LCOR: variants seen among roughly 807,000 people sequenced by gnomAD.
LCOR encodes the protein ligand-dependent corepressor.
LCOR carries 14 observed loss-of-function variants against 64.4 expected under a neutral mutation model. The observed-to-expected ratio is 0.22, with a 90% CI of 0.14 to 0.34. LCOR has a LOEUF of 0.34. Among genes scored for constraint, LCOR ranks in the 10% least tolerant of loss-of-function variants. The pLI is 1.00. For missense variants in LCOR, 1,686 were observed against 1,765.3 expected (o/e 0.96, Z 0.80); for synonymous variants, 643 against 642.5 (o/e 1.00, Z -0.01).
At chr10:96,865,682 C>T (rs1233505232) in intron 2 of LCOR, among the ~76,000 whole-genome samples, 1 of 152,016 alleles carries the variant, frequency 6.6e-6, no homozygotes, top group Non-Finnish European at 1.5e-5. Flanking sequence ...CGAGACCAGC[C>T]TGGCCAACAT....
At chr10:96,877,278 C>T (rs1846183451) in intron 2 of LCOR, among the ~76,000 whole-genome samples, 1 of 152,120 alleles carries the variant, frequency 6.6e-6, no homozygotes, top group Non-Finnish European at 1.5e-5. Flanking sequence ...AATTCAAGCA[C>T]TTTGGGAGGC....
Position 96,981,865 on chromosome 10 carries a change from C to T in LCOR, c.1405C>T (p.Gln469Ter). ...SGLRINDYDN[Q>*]CDVVYISQPI... ...GCTGAGGATAAATGATTATGATAAC[C>T]AGTGTGATGTTGTTTATATCAGTCA... The change falls in exon 8 of 8, where the codon CAG (glutamine) becomes TAG (stop). Residue 469 changes from glutamine to a stop codon, truncating the protein, a stop_gained. Coordinates refer to ENST00000421806, the MANE Select transcript of LCOR (RefSeq NM_001346516.2). LOFTEE classifies it low-confidence loss of function (END_TRUNC). 6.2e-7 allele frequency: 1 copy of T among 1,614,188 alleles called. No individual in the cohort carries two copies. Among genetic ancestry groups the T allele is most frequent in the Non-Finnish European group, 8.5e-7 (1 of 1,180,034 alleles).
rs1848151131 is a variant in LCOR at position 96,986,515 on chromosome 10, A to G, written c.*1381A>G. 1 of 152,198 alleles carries G rather than the reference A, an allele frequency of 6.6e-6. No homozygotes were observed. The highest frequency in any genetic ancestry group is 6.5e-5 in the Admixed American group (1 of 15,290). The allele number at this position is 152,198 out of a possible 1,614,324, so 9.4% of individuals were successfully genotyped here. A position where few individuals can be genotyped will look rare whatever the true frequency, so the allele number is the denominator to read the frequency against. ...ACCATCCTAGTAGTTAAATGCTTGT[A>G]GTATCACTCCTGCCATGTCATGTCA... is the stretch of plus-strand genomic sequence containing the variant. On this transcript the variant is annotated 3_prime_UTR_variant, in exon 8 of 8. Transcript: ENST00000421806.
chr10:96,851,503 A>C (rs1845721106), intron 2 of LCOR, among the ~76,000 whole-genome samples: 3 of 152,214 alleles, frequency 2.0e-5, no homozygotes, highest in Non-Finnish European at 4.4e-5. Flanking sequence ...CTGCCGAAAA[A>C]GTGCCTGTGG....
Position 96,981,501 on chromosome 10 carries a change from A to G in LCOR, c.1041A>G (p.Leu347=), listed in dbSNP as rs1848085389. 4 of 1,614,250 alleles carry G rather than the reference A, an allele frequency of 2.5e-6. No individual in the cohort carries two copies. The highest frequency in any genetic ancestry group is 3.4e-6 in the Non-Finnish European group (4 of 1,180,044). The part of the protein sequence containing the change: ...IIPQRNLFKA[L]SEEAWNSGFM... ...CTCAAAGAAATTTGTTCAAAGCTTT[A>G]TCAGAAGAGGCTTGGAACTCAGGGT... is the stretch of plus-strand genomic sequence containing the variant. The change falls in exon 8 of 8, where the codon TTA becomes TTG. Residue 347 remains leucine (L), a synonymous_variant. Coordinates refer to ENST00000421806, the MANE Select transcript of LCOR (RefSeq NM_001346516.2).
At chr10:96,882,520 C>T (rs577872656) in intron 2 of LCOR, among the ~76,000 whole-genome samples, 2 of 152,246 alleles carry the variant, frequency 1.3e-5, no homozygotes, top group African/African-American at 2.4e-5. Context: ...ACATGTACAG[C>T]TCTCCTCCTC....
chr10:96,936,263 G>GT (rs1847349425), intron 4 of LCOR, among the ~76,000 whole-genome samples: 1 of 152,224 alleles, frequency 6.6e-6, no homozygotes, highest in African/African-American at 2.4e-5. Flanking sequence ...GTACTTAGCA[G>GT]TACTTAGAGG....
chr10:96,982,647 C>G lies in LCOR; in HGVS notation c.2187C>G (p.Ile729Met), dbSNP rs1252720715. The G allele has an allele frequency of 4.3e-6, 7 of 1,614,144 alleles. No homozygotes were observed. Among genetic ancestry groups the G allele is most frequent in the Non-Finnish European group, 5.9e-6 (7 of 1,180,024 alleles). ...SLGKAEDNQS[I>M]SAEVESGDTQ... Reference sequence around the variant, plus strand: ...GAAAGGCTGAGGACAACCAAAGCATCAGTGCTGAGGTTGAGTCTGGAGACA... The same window carrying G: ...GAAAGGCTGAGGACAACCAAAGCATGAGTGCTGAGGTTGAGTCTGGAGACA... Residue 729 changes from isoleucine (I) to methionine (M), a missense_variant, in exon 8 of 8, where the codon ATC (isoleucine) becomes ATG (methionine). This residue lies in a region of LCOR where 1,293 missense variants were observed against 1,410.4 expected (regional missense o/e 0.92). Coordinates refer to ENST00000421806, the MANE Select transcript of LCOR (RefSeq NM_001346516.2).
chr10:96,966,205 TC>T (rs1847948290), intron 7 of LCOR, among the ~76,000 whole-genome samples: 1 of 147,848 alleles, frequency 6.8e-6, no homozygotes, highest in Admixed American at 6.7e-5. Context: ...TGGGGATTTT[TC>T]CCCCCAAAGG....
chr10:96,956,306 C>T (rs1346680151), intron 7 of LCOR: 2 of 993,712 alleles, frequency 2.0e-6, no homozygotes, highest in Admixed American at 1.1e-4. Flanking sequence ...GAAACAAAGC[C>T]CCCTTTTAGA....
chr10:96,913,149 C>T (rs1846874366), intron 4 of LCOR, among the ~76,000 whole-genome samples: 1 of 152,008 alleles, frequency 6.6e-6, no homozygotes, highest in South Asian at 2.1e-4. Context: ...CCAAAAAACT[C>T]TAGTTCCTTT....
intron 6 of LCOR, among the ~76,000 whole-genome samples, chr10:96,950,359 C>T (rs959486776): frequency 3.9e-5 from 6 of 152,118 alleles, no homozygotes; most frequent in East Asian, 1.9e-4. Context: ...AGACCTCCTA[C>T]TTGTTCACAT....
chr10:96,846,658 G>A (rs541937799), intron 2 of LCOR, among the ~76,000 whole-genome samples: 5 of 152,270 alleles, frequency 3.3e-5, no homozygotes, highest in East Asian at 3.9e-4. Context: ...TTTTATTTGC[G>A]TATATATTTA....
intron 2 of LCOR, among the ~76,000 whole-genome samples, chr10:96,880,667 A>G (rs1213905603): frequency 6.6e-6 from 1 of 152,166 alleles, no homozygotes; most frequent in African/African-American, 2.4e-5. Context: ...CAAATTGTTG[A>G]CATTACAGGC....
At chr10:96,863,385 G>A (rs1390036922) in intron 2 of LCOR, among the ~76,000 whole-genome samples, 1 of 151,250 alleles carries the variant, frequency 6.6e-6, no homozygotes, top group Non-Finnish European at 1.5e-5. Flanking sequence ...TGTAGTTTTA[G>A]TAGAGACGGG....
intron 4 of LCOR, chr10:96,915,873 T>C: frequency 2.1e-6 from 1 of 468,374 alleles, no homozygotes; most frequent in East Asian, 4.9e-5. Flanking sequence ...TTATCTCCTT[T>C]AGCATCCCCT....
At chr10:96,930,054 A>G (rs1169869625) in intron 4 of LCOR, among the ~76,000 whole-genome samples, 1 of 152,230 alleles carries the variant, frequency 6.6e-6, no homozygotes, top group Non-Finnish European at 1.5e-5. Flanking sequence ...AGTAACCATT[A>G]AAAAGATTGA....
chr10:96,980,771 TTCTTTC>T lies in LCOR; in HGVS notation c.333-12_333-7del. ...TTTGGTAAATGACAATACTAATTCCTTCTTTCTCTTTCTCTGTCTAGTGAGAACTCA... is the reference window on the plus strand; with the variant it reads ...TTTGGTAAATGACAATACTAATTCCTTCTTTCTCTGTCTAGTGAGAACTCA... On this transcript the variant is annotated splice_polypyrimidine_tract_variant and intron_variant, in intron 7 of 7. Coordinates refer to ENST00000421806, the MANE Select transcript of LCOR (RefSeq NM_001346516.2). 2 of 658,334 alleles carry T rather than the reference TTCTTTC, an allele frequency of 3.0e-6. No homozygotes were observed. Among genetic ancestry groups the T allele is most frequent in the Non-Finnish European group, 5.5e-6 (2 of 363,082 alleles). The allele number at this position is 658,334 out of a possible 1,614,324, so 40.8% of individuals were successfully genotyped here. A position where few individuals can be genotyped will look rare whatever the true frequency, so the allele number is the denominator to read the frequency against.
At chr10:96,848,411 A>C (rs911545276) in intron 2 of LCOR, among the ~76,000 whole-genome samples, 1 of 152,194 alleles carries the variant, frequency 6.6e-6, no homozygotes, top group Admixed American at 6.5e-5. Context: ...TAATCCCAAC[A>C]CTTTGGGAGG....
Sources: allele counts gnomAD v4.1 joint callset (sites outside exome capture counted in the v4.1 genomes callset), GRCh38; gene constraint gnomAD v4.1.1; regional missense constraint gnomAD v4.1.1; transcripts MANE v1.5; gene names NCBI Gene and HGNC (gene_info 2026-07-23, HGNC 2026-07-21).